Variants in CNBD1 observed in about 807,000 individuals in gnomAD.
CNBD1 encodes cyclic nucleotide-binding domain-containing protein 1.
CNBD1 carries 71 observed loss-of-function variants against 54.4 expected under a neutral mutation model. That is an observed-to-expected ratio of 1.30 (90% CI 1.08 to 1.59). CNBD1 has a LOEUF of 1.59. Among genes scored for constraint, CNBD1 ranks in the 40% most tolerant of loss-of-function variants. The probability of loss-of-function intolerance (pLI) is 0.00; values close to 1 mark genes in which losing one functional copy is unlikely to be tolerated. For synonymous variants in CNBD1, 182 were observed against 170.7 expected (o/e 1.07, Z -0.51); for missense variants, 659 against 518.0 (o/e 1.27, Z -2.64).
intron 4 of CNBD1, among the ~76,000 whole-genome samples, chr8:86,977,034 C>T (rs1586175384): frequency 2.0e-5 from 3 of 151,902 alleles, no homozygotes; most frequent in Admixed American, 2.0e-4. Context: ...TGCAAAATTG[C>T]TCTGTCTAGA....
Position 86,926,969 on chromosome 8 carries a change from C to A in CNBD1, c.273-12627C>A, listed in dbSNP as rs567313910. Among the ~76,000 whole-genome samples the A allele has an allele frequency of 1.3e-3, 203 of 152,242 alleles. 1 individual carries two copies. Among genetic ancestry groups the A allele is most frequent in the African/African-American group, 4.4e-3 (184 of 41,546 alleles). On this transcript the variant is annotated intron_variant, in intron 3 of 10. Coordinates refer to ENST00000518476, the MANE Select transcript of CNBD1 (RefSeq NM_173538.3). Reference sequence around the variant, plus strand: ...GAGGGGCACTGATAGGGTCTGATTTCCTGGGGCAATGTCAATGTTGGGACT... The same window carrying A: ...GAGGGGCACTGATAGGGTCTGATTTACTGGGGCAATGTCAATGTTGGGACT...
chr8:87,245,569 G>A (rs1420717877), intron 6 of CNBD1, among the ~76,000 whole-genome samples: 2 of 151,602 alleles, frequency 1.3e-5, no homozygotes, highest in South Asian at 2.1e-4. Flanking sequence ...ATGATATTAA[G>A]TATTGTATTT....
intron 4 of CNBD1, among the ~76,000 whole-genome samples, chr8:87,005,156 G>A (rs1422298408): frequency 6.6e-6 from 1 of 151,936 alleles, no homozygotes; most frequent in Non-Finnish European, 1.5e-5. Flanking sequence ...GGCCGAGGCG[G>A]GTGGATCATG....
intron 4 of CNBD1, among the ~76,000 whole-genome samples, chr8:86,999,997 A>G (rs890509623): frequency 6.6e-6 from 1 of 152,070 alleles, no homozygotes; most frequent in Non-Finnish European, 1.5e-5. Context: ...TTTTTTTCCT[A>G]GGAAAAGGTC....
At chr8:87,011,153 A>T (rs1035485672) in intron 4 of CNBD1, among the ~76,000 whole-genome samples, 2 of 151,414 alleles carry the variant, frequency 1.3e-5, no homozygotes, top group African/African-American at 4.8e-5. Context: ...TTTTCAGTTT[A>T]AAAAAATGGA....
chr8:87,327,259 TTGTC>T (rs1427086697), intron 8 of CNBD1, among the ~76,000 whole-genome samples: 4 of 148,442 alleles, frequency 2.7e-5, no homozygotes, highest in Non-Finnish European at 1.5e-5. Flanking sequence ...GTCTTTTTGT[TTGTC>T]TGTGCCCTGC....
intron 6 of CNBD1, among the ~76,000 whole-genome samples, chr8:87,256,932 C>T (rs1449586623): frequency 6.6e-6 from 1 of 151,908 alleles, no homozygotes; most frequent in African/African-American, 2.4e-5. Flanking sequence ...TCTTCGGGTT[C>T]TAGATTGTGA....
At chr8:87,035,450 C>A (rs771522874) in intron 4 of CNBD1, among the ~76,000 whole-genome samples, 1 of 152,130 alleles carries the variant, frequency 6.6e-6, no homozygotes, top group Non-Finnish European at 1.5e-5. Context: ...GTTTAAATAA[C>A]AAACTTTCTT....
At chr8:87,201,674 A>T (rs928121300) in intron 4 of CNBD1, among the ~76,000 whole-genome samples, 1 of 152,222 alleles carries the variant, frequency 6.6e-6, no homozygotes, top group Non-Finnish European at 1.5e-5. Context: ...AATGTACAAG[A>T]CTTGTACACT....
intron 2 of CNBD1, among the ~76,000 whole-genome samples, chr8:87,411,527 T>C (rs1207809468): frequency 6.7e-6 from 1 of 150,056 alleles, no homozygotes; most frequent in Non-Finnish European, 1.5e-5. Context: ...TTAAGCCATT[T>C]CTTGGAAATA....
At chr8:87,291,951 G>A (rs939901815) in intron 8 of CNBD1, among the ~76,000 whole-genome samples, 9 of 152,134 alleles carry the variant, frequency 5.9e-5, no homozygotes, top group African/African-American at 9.7e-5. Context: ...ATGAGTGAAT[G>A]AATATTTTGA....
intron 8 of CNBD1, among the ~76,000 whole-genome samples, chr8:87,349,329 A>T (rs1389620463): frequency 1.3e-5 from 2 of 152,190 alleles, no homozygotes; most frequent in African/African-American, 4.8e-5. Flanking sequence ...TTCTGTTTCT[A>T]GTCCAAAATA....
At chr8:87,247,395 C>T (rs1044725391) in intron 6 of CNBD1, among the ~76,000 whole-genome samples, 1 of 152,180 alleles carries the variant, frequency 6.6e-6, no homozygotes, top group African/African-American at 2.4e-5. Flanking sequence ...GTGTCTCTTT[C>T]AAAATCTTTA....
intron 4 of CNBD1, among the ~76,000 whole-genome samples, chr8:87,060,325 G>T (rs1810515776): frequency 6.6e-6 from 1 of 152,112 alleles, no homozygotes. Context: ...AATAGAAAAA[G>T]AATACAGAAA....
intron 3 of CNBD1, among the ~76,000 whole-genome samples, chr8:86,932,995 G>A (rs1386489878): frequency 2.0e-5 from 3 of 152,056 alleles, no homozygotes; most frequent in Non-Finnish European, 4.4e-5. Flanking sequence ...ACACATTCTC[G>A]AAAACCTGCA....
intron 4 of CNBD1, among the ~76,000 whole-genome samples, chr8:87,087,709 G>A (rs1420101949): frequency 1.3e-5 from 2 of 151,738 alleles, no homozygotes; most frequent in African/African-American, 4.8e-5. Flanking sequence ...CTCGTGATCC[G>A]CCCGCCTCGG....
chr8:86,962,536 A>G (rs1807957446), intron 4 of CNBD1, among the ~76,000 whole-genome samples: 1 of 152,170 alleles, frequency 6.6e-6, no homozygotes. Context: ...CTGTAATCCC[A>G]GCACTTTGGG....
chr8:87,284,733 A>C lies in CNBD1; in HGVS notation c.827A>C (p.Glu276Ala). The C allele has an allele frequency of 6.2e-7, 1 of 1,605,532 alleles. No homozygotes were observed. Among genetic ancestry groups the C allele is most frequent in the Non-Finnish European group, 8.5e-7 (1 of 1,175,968 alleles). Residue 276 changes from glutamate to alanine, a missense_variant, in exon 7 of 11, where the codon GAA (glutamate) becomes GCA (alanine). By Grantham distance (107) the Glu-to-Ala change is moderately radical. Coordinates refer to ENST00000518476, the MANE Select transcript of CNBD1 (RefSeq NM_173538.3). The stretch of plus-strand genomic sequence containing the variant: ...GAAGTTATGCCTCAGAATGAATCGG[A>C]AACACAGATGTTCTCGGTGGTGACA... ...TLEVMPQNES[E>A]TQMFSVVTED...
At chr8:86,931,109 G>A (rs1432015931) in intron 3 of CNBD1, among the ~76,000 whole-genome samples, 2 of 152,198 alleles carry the variant, frequency 1.3e-5, no homozygotes, top group African/African-American at 2.4e-5. Context: ...AAAGGCATGT[G>A]AAAAGAGCAA....
Sources: gnomAD v4.1 joint callset for allele counts (sites outside exome capture counted in the v4.1 genomes callset) on GRCh38, gnomAD v4.1.1 for gene constraint, MANE v1.5 for transcripts, NCBI Gene and HGNC (gene_info 2026-07-23, HGNC 2026-07-21) for gene names.